Variants in SLC23A2 observed in about 807,000 individuals in gnomAD.
The protein encoded by SLC23A2 is solute carrier family 23 member 2.
In SLC23A2, 36 loss-of-function variants were observed where a neutral mutation model predicts 73.3. The ratio of observed to expected loss-of-function variants is 0.49; its 90% CI spans 0.38 to 0.65. The LOEUF is 0.65. Ranked by LOEUF, SLC23A2 falls within the 30% of genes least tolerant of loss-of-function variation. The pLI is 0.00. For missense variants in SLC23A2, 507 were observed against 841.6 expected (o/e 0.60, Z 4.92); for synonymous variants, 343 against 327.3 (o/e 1.05, Z -0.52).
rs1213747604 is a variant in SLC23A2, at chr20:4,852,792, C to T, written c.*4180G>A. ...AAGATGGCAACGTGGGGAAGGGTGT[C>T]CTAAGTGCCTGGAAACACGCACAGC... is the stretch of plus-strand genomic sequence containing the variant. On this transcript the variant is annotated 3_prime_UTR_variant, in exon 17 of 17. Coordinates refer to ENST00000338244, the MANE Select transcript of SLC23A2 (RefSeq NM_005116.6). This position sits in a 1 kb window ranked among gnomAD's most constrained non-coding sequence, Gnocchi z 4.3. 1 of 152,438 alleles carries T rather than the reference C, an allele frequency of 6.6e-6. No homozygotes were observed. Among genetic ancestry groups the T allele is most frequent in the African/African-American group, 2.4e-5 (1 of 41,412 alleles). The allele number at this position is 152,438 out of a possible 1,614,324, so 9.4% of individuals were successfully genotyped here.
chr20:4,948,262 C>T (rs929795933), intron 2 of SLC23A2, among the ~76,000 whole-genome samples: 2 of 152,222 alleles, frequency 1.3e-5, no homozygotes, highest in African/African-American at 4.8e-5. Context: ...AAAGATCCAG[C>T]TCCACTTTGC....
At chr20:5,003,612 C>A (rs2122391099), upstream of SLC23A2, among the ~76,000 whole-genome samples, 1 of 151,938 alleles carries the variant, frequency 6.6e-6, no homozygotes, top group East Asian at 1.9e-4. Flanking sequence ...ACCCCCTGAG[C>A]TTTTAAGTCT....
At chr20:4,959,219 C>CAA (rs34519143) in intron 2 of SLC23A2, among the ~76,000 whole-genome samples, 3,591 of 113,626 alleles carry the variant, frequency 0.032, 148 homozygotes, top group African/African-American at 0.1. Context: ...AACTCTGTCT[C>CAA]AAAAAAAAAA....
In SLC23A2 at chr20:4,915,509, C is replaced by CCTA; in HGVS notation, c.109-2534_109-2532dup. 3.3e-5 allele frequency among the ~76,000 whole-genome samples: 5 copies of CCTA among 152,242 alleles called. No homozygotes were observed. The Middle Eastern group carries it at 0.017, about 518-fold the overall frequency. On this transcript the variant is annotated intron_variant, in intron 3 of 16. Transcript: ENST00000338244. ...TAGGGAAGAAATTTAAGACTAAAATCCTAGCAGTACAGCTTGGATTGAGGA... is the reference window on the plus strand; with the variant it reads ...TAGGGAAGAAATTTAAGACTAAAATCCTACTAGCAGTACAGCTTGGATTGAGGA...
At chr20:4,911,224 C>T (rs1051253190) in intron 4 of SLC23A2, among the ~76,000 whole-genome samples, 1 of 152,154 alleles carries the variant, frequency 6.6e-6, no homozygotes, top group African/African-American at 2.4e-5. Flanking sequence ...ACTGCACTAA[C>T]CTTTGGGGAG....
intron 1 of SLC23A2, among the ~76,000 whole-genome samples, chr20:4,987,829 G>A (rs1004461957): frequency 6.6e-6 from 1 of 150,788 alleles, no homozygotes; most frequent in African/African-American, 2.5e-5. Flanking sequence ...CTGGGCGACA[G>A]AGCAGGACTC....
intron 2 of SLC23A2, among the ~76,000 whole-genome samples, chr20:4,941,911 G>A (rs1194401293): frequency 6.6e-6 from 1 of 152,140 alleles, no homozygotes; most frequent in East Asian, 1.9e-4. Context: ...AAAGTATGTG[G>A]CCATGTATAC....
chr20:5,006,665 C>A (rs1030081233), intron 1 of SLC23A2, among the ~76,000 whole-genome samples: 1 of 151,748 alleles, frequency 6.6e-6, no homozygotes, highest in Non-Finnish European at 1.5e-5. Context: ...CTCAGCCTCC[C>A]AAATAGCTGG....
At chr20:4,953,135 G>A (rs944185513) in intron 2 of SLC23A2, among the ~76,000 whole-genome samples, 4 of 151,082 alleles carry the variant, frequency 2.6e-5, no homozygotes, top group South Asian at 2.1e-4. Flanking sequence ...GTGAAACCCC[G>A]TCTCTACTAA....
At chr20:4,982,784 T>C (rs886472800) in intron 1 of SLC23A2, among the ~76,000 whole-genome samples, 10 of 152,116 alleles carry the variant, frequency 6.6e-5, no homozygotes, top group Admixed American at 5.2e-4. Context: ...AGTCATCCTT[T>C]AAACAAATGG....
At chr20:4,876,816 A>G (rs1033789121) in intron 9 of SLC23A2, among the ~76,000 whole-genome samples, 1 of 152,180 alleles carries the variant, frequency 6.6e-6, no homozygotes, top group African/African-American at 2.4e-5. Context: ...CACTCCCTGG[A>G]TATTTGCTGG....
At chr20:4,903,366 C>T (rs1454503293) in intron 4 of SLC23A2, among the ~76,000 whole-genome samples, 1 of 152,130 alleles carries the variant, frequency 6.6e-6, no homozygotes, top group Non-Finnish European at 1.5e-5. Context: ...AAGGTAGCCC[C>T]GAGTTCCCCA....
At chr20:4,913,740 C>A (rs183398264) in intron 3 of SLC23A2, among the ~76,000 whole-genome samples, 1 of 152,012 alleles carries the variant, frequency 6.6e-6, no homozygotes, top group Non-Finnish European at 1.5e-5. Flanking sequence ...GATTCTCCTG[C>A]CTCAGCCTCC....
chr20:4,860,559 TTCAG>T (rs1929919564), intron 15 of SLC23A2, among the ~76,000 whole-genome samples: 1 of 152,212 alleles, frequency 6.6e-6, no homozygotes, highest in Non-Finnish European at 1.5e-5. Context: ...CCAGCAATGG[TTCAG>T]TATTTGCTAA....
intron 1 of SLC23A2, among the ~76,000 whole-genome samples, chr20:4,995,794 T>C (rs2054532528): frequency 6.6e-6 from 1 of 152,062 alleles, no homozygotes; most frequent in Admixed American, 6.6e-5. Context: ...TCCTCAGCTG[T>C]AGGATGAAAA....
At chr20:4,967,269 G>C (rs1323207463) in intron 2 of SLC23A2, among the ~76,000 whole-genome samples, 1 of 152,008 alleles carries the variant, frequency 6.6e-6, no homozygotes, top group African/African-American at 2.4e-5. Flanking sequence ...AGAAGTCATG[G>C]GACAAATTTA....
At chr20:4,927,266 T>C (rs1932706123) in intron 3 of SLC23A2, among the ~76,000 whole-genome samples, 1 of 152,210 alleles carries the variant, frequency 6.6e-6, no homozygotes, top group South Asian at 2.1e-4. Context: ...GACAAAAAGA[T>C]AAAACCCAGA....
chr20:4,879,586 C>T (rs899460608), intron 9 of SLC23A2, among the ~76,000 whole-genome samples: 3 of 150,958 alleles, frequency 2.0e-5, no homozygotes, highest in Non-Finnish European at 4.4e-5. Flanking sequence ...GGGAGGCTGA[C>T]GAATGAGAAT....
intron 11 of SLC23A2, among the ~76,000 whole-genome samples, chr20:4,870,636 T>C (rs907027593): frequency 1.3e-5 from 2 of 151,950 alleles, no homozygotes; most frequent in African/African-American, 2.4e-5. Flanking sequence ...CTGTAACTTC[T>C]CTTTCCTGCT....
Sources: allele counts gnomAD v4.1 joint callset (sites outside exome capture counted in the v4.1 genomes callset), GRCh38; gene constraint gnomAD v4.1.1; non-coding constraint Gnocchi (gnomAD v3.1); transcripts MANE v1.5; gene names NCBI Gene and HGNC (gene_info 2026-07-23, HGNC 2026-07-21).